The following SLC24A4 variants were observed in gnomAD, a reference collection of about 807,000 sequenced individuals.
SLC24A4 encodes solute carrier family 24 member 4.
In SLC24A4, 53 loss-of-function variants were observed where a neutral mutation model predicts 79.0. That is an observed-to-expected ratio of 0.67 (90% CI 0.54 to 0.84). The LOEUF (loss-of-function observed/expected upper bound fraction) is 0.84. Ranked by LOEUF, SLC24A4 falls within the 40% of genes least tolerant of loss-of-function variation. SLC24A4 has a pLI of 0.00. For missense variants in SLC24A4, 731 were observed against 822.0 expected (o/e 0.89, Z 1.35); for synonymous variants, 323 against 323.8 (o/e 1.00, Z 0.03).
At chr14:92,472,492 A>T (rs912414378) in intron 12 of SLC24A4, among the ~76,000 whole-genome samples, 4 of 152,202 alleles carry the variant, frequency 2.6e-5, no homozygotes, top group Non-Finnish European at 5.9e-5. Context: ...GAGTGAGAAC[A>T]TACGATGTTT....
intron 10 of SLC24A4, 58 bp from the exon 11 acceptor site, chr14:92,453,842 A>C (rs1403421760): frequency 2.0e-6 from 3 of 1,507,302 alleles, no homozygotes; most frequent in Non-Finnish European, 2.7e-6. Context: ...CAGTGGCCCC[A>C]GCACTTGGGT....
intron 2 of SLC24A4, among the ~76,000 whole-genome samples, chr14:92,395,432 A>AACACACACACACACACAC (rs60360408): frequency 6.6e-4 from 95 of 144,912 alleles, no homozygotes; most frequent in African/African-American, 2.2e-3. Flanking sequence ...AACAAAACAA[A>AACACACACACACACACAC]ACACACACAC....
chr14:92,413,186 T>TCTG (rs1319648857), intron 2 of SLC24A4, among the ~76,000 whole-genome samples: 2 of 152,176 alleles, frequency 1.3e-5, no homozygotes, highest in South Asian at 2.1e-4. Flanking sequence ...TGCTCAGCGA[T>TCTG]CTGCTGCTGC....
intron 4 of SLC24A4, among the ~76,000 whole-genome samples, chr14:92,440,517 C>A (rs1453526660): frequency 6.6e-6 from 1 of 152,042 alleles, no homozygotes; most frequent in African/African-American, 2.4e-5. Flanking sequence ...CTAGGACCCA[C>A]CCGCTAGGCT....
chr14:92,358,048 C>T (rs906134202), intron 2 of SLC24A4, among the ~76,000 whole-genome samples: 3 of 152,114 alleles, frequency 2.0e-5, no homozygotes, highest in Admixed American at 1.3e-4. Flanking sequence ...TGCTGGCAGG[C>T]TCACTGTCTG....
intron 2 of SLC24A4, among the ~76,000 whole-genome samples, chr14:92,394,294 T>A (rs1189900065): frequency 6.6e-6 from 1 of 152,120 alleles, no homozygotes; most frequent in Non-Finnish European, 1.5e-5. Flanking sequence ...GTAATGTTTT[T>A]AAAATGCAGA....
At chr14:92,446,702 G>A (rs903560947) in intron 8 of SLC24A4, among the ~76,000 whole-genome samples, 6 of 152,222 alleles carry the variant, frequency 3.9e-5, no homozygotes, top group Non-Finnish European at 8.8e-5. Flanking sequence ...TGGACACATA[G>A]TGGGCTTTGG....
chr14:92,426,014 C>T lies in SLC24A4; in HGVS notation c.242-7898C>T, dbSNP rs1595261268. On this transcript the variant is annotated intron_variant, in intron 2 of 16. Coordinates refer to ENST00000532405, the MANE Select transcript of SLC24A4 (RefSeq NM_153646.4). ...TCAATCAATCAGTCAATCAATCAAT[C>T]AATATAAATGGAGGGTTAAGTGACT... 3.9e-5 allele frequency among the ~76,000 whole-genome samples: 6 copies of T among 152,044 alleles called. No individual in the cohort carries two copies. In the South Asian group the frequency reaches 1.2e-3, roughly 32 times the overall value.
chr14:92,422,204 A>G (rs1205468180), intron 2 of SLC24A4, among the ~76,000 whole-genome samples: 1 of 152,216 alleles, frequency 6.6e-6, no homozygotes, highest in East Asian at 1.9e-4. Flanking sequence ...GTAACAGTAA[A>G]TATTTGTGGG....
At chr14:92,458,489 C>T (rs1341385181) in intron 12 of SLC24A4, among the ~76,000 whole-genome samples, 1 of 152,202 alleles carries the variant, frequency 6.6e-6, no homozygotes, top group Admixed American at 6.5e-5. Flanking sequence ...ATGCTTGGGT[C>T]AACTCAGCCA....
At chr14:92,485,996 T>G (rs925050247) in intron 13 of SLC24A4, among the ~76,000 whole-genome samples, 20 of 152,220 alleles carry the variant, frequency 1.3e-4, no homozygotes, top group Admixed American at 6.5e-5. Context: ...CACGTTAGCC[T>G]TGATCTCTGC....
At chr14:92,427,648 G>A (rs1187559588) in intron 2 of SLC24A4, among the ~76,000 whole-genome samples, 1 of 152,062 alleles carries the variant, frequency 6.6e-6, no homozygotes, top group Non-Finnish European at 1.5e-5. Flanking sequence ...AAAGGAGGTG[G>A]GTGTATCAGT....
intron 2 of SLC24A4, among the ~76,000 whole-genome samples, chr14:92,432,701 G>C (rs989281343): frequency 6.6e-6 from 1 of 152,196 alleles, no homozygotes; most frequent in Admixed American, 6.5e-5. Context: ...AATGCTGCTT[G>C]TTTCAAAGTG....
chr14:92,492,997 C>T (rs994082457), intron 16 of SLC24A4: 8 of 384,322 alleles, frequency 2.1e-5, no homozygotes, highest in South Asian at 9.6e-5. Flanking sequence ...CACACACACA[C>T]ACACACACAC....
chr14:92,448,345 TACACACAC>T (rs71877757), intron 9 of SLC24A4, among the ~76,000 whole-genome samples: 13 of 132,056 alleles, frequency 9.8e-5, no homozygotes, highest in Non-Finnish European at 1.4e-4. Context: ...TCCCACTACA[TACACACAC>T]ACACACACAC....
chr14:92,365,330 C>G (rs1021027439), intron 2 of SLC24A4, among the ~76,000 whole-genome samples: 1 of 152,262 alleles, frequency 6.6e-6, no homozygotes, highest in Non-Finnish European at 1.5e-5. Flanking sequence ...TCTTAAAACA[C>G]GGCCATTCCA....
At position 92,394,520 on chromosome 14, in the gene SLC24A4, A is replaced by G. The variant is rs141487872; in HGVS notation, c.242-39392A>G. Among the ~76,000 whole-genome samples the G allele has an allele frequency of 7.7e-4, 117 of 152,312 alleles. No homozygotes were observed. The East Asian group carries it at 0.02, about 26-fold the overall frequency. On this transcript the variant is annotated intron_variant, in intron 2 of 16. Coordinates refer to ENST00000532405, the MANE Select transcript of SLC24A4 (RefSeq NM_153646.4). The stretch of plus-strand genomic sequence containing the variant: ...CGCAGGAGAGTTTGAGACTGCAATG[A>G]GCTATGGTTATAGCCTGGACAACAG...
chr14:92,456,009 A>C (rs1893437694), intron 11 of SLC24A4, among the ~76,000 whole-genome samples: 1 of 152,310 alleles, frequency 6.6e-6, no homozygotes, highest in African/African-American at 2.4e-5. Flanking sequence ...CAGTGAGTGT[A>C]CATTTTGTAT....
chr14:92,453,216 C>T (rs1206921859), intron 10 of SLC24A4: 1 of 152,188 alleles, frequency 6.6e-6, no homozygotes, highest in Non-Finnish European at 1.5e-5. Flanking sequence ...CGGAGGGTGT[C>T]AGGGTTTATA....
Sources: gnomAD v4.1 joint callset for allele counts (sites outside exome capture counted in the v4.1 genomes callset) on GRCh38, gnomAD v4.1.1 for gene constraint, MANE v1.5 for transcripts, NCBI Gene and HGNC (gene_info 2026-07-23, HGNC 2026-07-21) for gene names.